Variants in WDR43 observed in about 807,000 individuals in gnomAD.
WDR43 encodes WD repeat domain 43, also known as WD repeat-containing protein 43.
WDR43 carries 13 observed loss-of-function variants against 91.4 expected under a neutral mutation model. The observed-to-expected ratio is 0.14, with a 90% CI of 0.09 to 0.23. The LOEUF is 0.23. Among genes scored for constraint, WDR43 ranks in the 10% least tolerant of loss-of-function variants. The pLI is 1.00. For synonymous variants in WDR43, 331 were observed against 287.9 expected (o/e 1.15, Z -1.51); for missense variants, 780 against 809.4 (o/e 0.96, Z 0.44).
intron 3 of WDR43, among the ~76,000 whole-genome samples, chr2:28,907,995 G>T (rs886297311): frequency 1.3e-5 from 2 of 152,106 alleles, no homozygotes; most frequent in African/African-American, 4.8e-5. Flanking sequence ...AATGTGTAGA[G>T]TTTAGGGGAA....
intron 2 of WDR43, among the ~76,000 whole-genome samples, chr2:28,903,063 A>G (rs1206776308): frequency 1.3e-5 from 2 of 152,180 alleles, no homozygotes; most frequent in Non-Finnish European, 2.9e-5. Flanking sequence ...TGCTTTATAC[A>G]TACATTAAAA....
At chr2:28,895,095 C>A in intron 1 of WDR43, 172 bp downstream of exon 1, 1 of 578,210 alleles carries the variant, frequency 1.7e-6, no homozygotes, top group Non-Finnish European at 2.5e-6. Flanking sequence ...CGCGTGCGGC[C>A]TGCCGCGAGG....
At chr2:28,941,313 T>G in intron 14 of WDR43, 148 bp from the exon 15 acceptor site, 1 of 567,284 alleles carries the variant, frequency 1.8e-6, no homozygotes, top group Non-Finnish European at 3.2e-6. Flanking sequence ...GTTGTTAGGC[T>G]ATGTTGCAGG....
chr2:28,929,505 A>ATT, intron 10 of WDR43, 74 bp from the exon 11 acceptor site: 12 of 1,224,316 alleles, frequency 9.8e-6, no homozygotes, highest in Admixed American at 7.1e-5. Flanking sequence ...ATTTTATTTT[A>ATT]TTTTATTTTT....
chr2:28,913,764 T>A (rs1358657785), intron 4 of WDR43: 1 of 561,178 alleles, frequency 1.8e-6, no homozygotes, highest in Non-Finnish European at 3.5e-6. Context: ...GTATGCCTTT[T>A]AAAATGGATA....
Position 28,927,578 on chromosome 2 carries a change from C to G in WDR43, c.1183C>G (p.Pro395Ala). The G allele has an allele frequency of 6.2e-7, 1 of 1,613,778 alleles. No individual in the cohort carries two copies. Among genetic ancestry groups the G allele is most frequent in the Non-Finnish European group, 8.5e-7 (1 of 1,179,804 alleles). The change falls in exon 10 of 18, where the codon CCA becomes GCA. Residue 395 changes from proline (P) to alanine (A), a missense_variant. Coordinates refer to ENST00000407426, the MANE Select transcript of WDR43 (RefSeq NM_015131.3). Reference sequence around the variant, plus strand: ...TATTCCTGTTGAACAGGTGAGGACACCAGTGATGAATTCTGAAGCAAAAGT... The same window carrying G: ...TATTCCTGTTGAACAGGTGAGGACAGCAGTGATGAATTCTGAAGCAAAAGT... ...VETAITKVRT[P>A]VMNSEAKVLV...
chr2:28,914,940 A>G (rs1670877655), intron 5 of WDR43, among the ~76,000 whole-genome samples: 1 of 152,160 alleles, frequency 6.6e-6, no homozygotes. Context: ...AAAATAAAAA[A>G]TTTGGTGATA....
intron 2 of WDR43, among the ~76,000 whole-genome samples, chr2:28,905,665 C>T (rs72784090): frequency 0.021 from 1,714 of 80,040 alleles, 63 homozygotes; most frequent in East Asian, 0.21. Flanking sequence ...CTCTTCTTCT[C>T]TTTTTTTTTT....
intron 9 of WDR43, 128 bp downstream of exon 9, chr2:28,926,682 A>G (rs1671149781): frequency 7.2e-6 from 6 of 828,304 alleles, no homozygotes; most frequent in Middle Eastern, 4.0e-4. Context: ...TGTCTTATAA[A>G]TTTTGTGGGA....
Position 28,926,450 on chromosome 2 carries a change from A to T in WDR43, c.1087-18A>T. 1 of 1,510,406 alleles carries T rather than the reference A, an allele frequency of 6.6e-7. No homozygotes were observed. Among genetic ancestry groups the T allele is most frequent in the East Asian group, 2.3e-5 (1 of 42,786 alleles). The allele number at this position is 1,510,406 out of a possible 1,614,324, so 93.6% of individuals were successfully genotyped here. ...TTCTTTCCTCTCATCTTCCCCTTTA[A>T]AAAAAATATATTTTCAGGCTTTAAA... On this transcript the variant is annotated intron_variant, in intron 8 of 17. Coordinates refer to ENST00000407426, the MANE Select transcript of WDR43 (RefSeq NM_015131.3).
chr2:28,937,683 T>C (rs1447638636), intron 13 of WDR43, among the ~76,000 whole-genome samples: 1 of 152,176 alleles, frequency 6.6e-6, no homozygotes, highest in Non-Finnish European at 1.5e-5. Flanking sequence ...TTGAACTGTT[T>C]TAGAGGAAGG....
rs1671285680 is a variant in WDR43 at position 28,933,491 on chromosome 2, G to A, written c.1438-2030G>A. On this transcript the variant is annotated intron_variant, in intron 11 of 17. Transcript: ENST00000407426. Reference sequence around the variant, plus strand: ...AGTGGGGAAAGATTTCTTAGATATAGCATACAATGCATGAAATGTTAAAGA... The same window carrying A: ...AGTGGGGAAAGATTTCTTAGATATAACATACAATGCATGAAATGTTAAAGA... 2.0e-5 allele frequency among the ~76,000 whole-genome samples: 3 copies of A among 152,082 alleles called. No homozygotes were observed. The South Asian group carries it at 6.2e-4, about 32-fold the overall frequency.
At chr2:28,918,132 C>T (rs1670951464) in intron 6 of WDR43, 137 bp downstream of exon 6, 1 of 722,790 alleles carries the variant, frequency 1.4e-6, no homozygotes, top group Non-Finnish European at 2.2e-6. Context: ...AAATTTTAGA[C>T]TGTTCAAAGG....
chr2:28,926,282 C>T (rs1671138647), intron 8 of WDR43, among the ~76,000 whole-genome samples, 186 bp from the exon 9 acceptor site: 1 of 152,072 alleles, frequency 6.6e-6, no homozygotes, highest in South Asian at 2.1e-4. Context: ...TCTTAACTGC[C>T]GTCAGTCTGA....
intron 6 of WDR43, among the ~76,000 whole-genome samples, chr2:28,919,002 T>A (rs1337079384): frequency 5.3e-5 from 8 of 152,148 alleles, no homozygotes; most frequent in Non-Finnish European, 7.4e-5. Flanking sequence ...ACAAAAAAAA[T>A]TTTGGTTTAA....
At chr2:28,921,946 T>C (rs1424533312) in intron 6 of WDR43, among the ~76,000 whole-genome samples, 1 of 152,114 alleles carries the variant, frequency 6.6e-6, no homozygotes, top group Non-Finnish European at 1.5e-5. Flanking sequence ...ACTTCCAGGC[T>C]CTAGCTATCT....
intron 11 of WDR43, among the ~76,000 whole-genome samples, chr2:28,930,806 A>G (rs542365443): frequency 5.3e-4 from 81 of 152,292 alleles, no homozygotes; most frequent in Non-Finnish European, 9.0e-4. Flanking sequence ...ACCATCACGA[A>G]CTCATTACCT....
At chr2:28,915,240 A>G (rs1290688387) in intron 5 of WDR43, among the ~76,000 whole-genome samples, 1 of 152,226 alleles carries the variant, frequency 6.6e-6, no homozygotes, top group Non-Finnish European at 1.5e-5. Flanking sequence ...GCAAAACCAT[A>G]ATTCCTAATT....
rs1671188097 is a variant in WDR43 at position 28,928,657 on chromosome 2, TGAG to T, written c.1306-920_1306-918del. Reference sequence around the variant, plus strand: ...TAATCAGGAATCAGTTCTATACAATTGAGGGTGTTTGTTGTTGTTTTTGTTTGT... The same window carrying T: ...TAATCAGGAATCAGTTCTATACAATTGGTGTTTGTTGTTGTTTTTGTTTGT... On this transcript the variant is annotated intron_variant, in intron 10 of 17. Transcript: ENST00000407426. Among the ~76,000 whole-genome samples the T allele has an allele frequency of 2.6e-5, 4 of 152,230 alleles. No individual in the cohort carries two copies. The South Asian group carries it at 8.3e-4, about 32-fold the overall frequency.
Sources: gnomAD v4.1 joint callset for allele counts (sites outside exome capture counted in the v4.1 genomes callset) on GRCh38, gnomAD v4.1.1 for gene constraint, MANE v1.5 for transcripts, NCBI Gene and HGNC (gene_info 2026-07-23, HGNC 2026-07-21) for gene names.